Variants in SYCP1 observed in about 807,000 individuals in gnomAD.
The protein encoded by SYCP1 is synaptonemal complex protein 1, also known as cancer/testis antigen 8.
In SYCP1, 64 loss-of-function variants were observed where a neutral mutation model predicts 153.1. The observed-to-expected ratio is 0.42, with a 90% confidence interval of 0.34 to 0.51. The LOEUF (loss-of-function observed/expected upper bound fraction) is 0.51. Ranked by LOEUF, SYCP1 falls within the 20% of genes least tolerant of loss-of-function variation. The probability of loss-of-function intolerance (pLI) is 0.06; values close to 1 mark genes in which losing one functional copy is unlikely to be tolerated. For missense variants in SYCP1, 997 were observed against 1,049.0 expected, an observed-to-expected ratio of 0.95 and a Z score of 0.68; for synonymous variants, 384 against 341.8, an observed-to-expected ratio of 1.12 and a Z score of -1.36.
chr1:114,865,407 T>C (rs183542633), intron 8 of SYCP1, among the ~76,000 whole-genome samples: 1 of 152,350 alleles, frequency 6.6e-6, no homozygotes, highest in East Asian at 1.9e-4. Context: ...AGAGAATGTT[T>C]ATTTGTTTAT....
intron 25 of SYCP1, among the ~76,000 whole-genome samples, chr1:114,945,473 G>A (rs1266382093): frequency 6.6e-6 from 1 of 151,398 alleles, no homozygotes; most frequent in Non-Finnish European, 1.5e-5. Flanking sequence ...TTAAGATTTG[G>A]AGAAGAGGTA....
chr1:114,979,786 T>TA (rs1467734831), intron 28 of SYCP1, among the ~76,000 whole-genome samples: 1 of 151,854 alleles, frequency 6.6e-6, no homozygotes, highest in African/African-American at 2.4e-5. Flanking sequence ...CCTCTTGATT[T>TA]ATAGATGAAT....
chr1:114,941,900 G>T (rs11102854), intron 23 of SYCP1, among the ~76,000 whole-genome samples: 2,323 of 152,120 alleles, frequency 0.015, 53 homozygotes, highest in African/African-American at 0.053. Context: ...AAATATAAAT[G>T]AGTTTTGTGT....
chr1:114,989,341 A>G (rs977442698), intron 30 of SYCP1, among the ~76,000 whole-genome samples: 2 of 152,002 alleles, frequency 1.3e-5, no homozygotes, highest in Admixed American at 6.6e-5. Flanking sequence ...ATGAAATTAT[A>G]TAATATACAC....
chr1:114,916,040 C>A (rs1668487956), intron 20 of SYCP1, among the ~76,000 whole-genome samples: 1 of 152,132 alleles, frequency 6.6e-6, no homozygotes. Context: ...ATGAGAAGTG[C>A]CCGACTGAGG....
In SYCP1 at chr1:114,962,364, G is replaced by A. The variant is rs192621602; in HGVS notation, c.2322+15044G>A. On this transcript the variant is annotated intron_variant, in intron 27 of 31. Transcript: ENST00000369522. ...CCAGTGTTAGGTGCATATATTTTTA[G>A]GTCTGTGATATTTTCCTGTTAAACA... 3.4e-3 allele frequency among the ~76,000 whole-genome samples: 512 copies of A among 152,068 alleles called. 1 individual carries two copies. The highest frequency in any genetic ancestry group is 5.5e-3 in the Non-Finnish European group (377 of 67,938).
At chr1:114,993,097 A>G (rs528322981) in intron 30 of SYCP1, among the ~76,000 whole-genome samples, 1 of 151,686 alleles carries the variant, frequency 6.6e-6, no homozygotes, top group East Asian at 1.9e-4. Context: ...TTAACTTATT[A>G]ATCATTTTTA....
In SYCP1 at chr1:114,885,181, A is replaced by G. The variant is rs150848015; in HGVS notation, c.911-354A>G. Among the ~76,000 whole-genome samples the G allele has an allele frequency of 2.6e-3, 389 of 152,224 alleles. 3 individuals are homozygous for G. Among genetic ancestry groups the G allele is most frequent in the African/African-American group, 8.3e-3 (345 of 41,528 alleles). On this transcript the variant is annotated intron_variant, in intron 12 of 31. Coordinates refer to ENST00000369522, the MANE Select transcript of SYCP1 (RefSeq NM_003176.4). ...TATTCTATGTTTTATGAATATCCAAATTAATAATCAATAAAATTTGTATTA... is the reference window on the plus strand; with the variant it reads ...TATTCTATGTTTTATGAATATCCAAGTTAATAATCAATAAAATTTGTATTA...
intron 21 of SYCP1, among the ~76,000 whole-genome samples, chr1:114,924,900 G>A (rs1669155019): frequency 6.6e-6 from 1 of 152,046 alleles, no homozygotes; most frequent in Non-Finnish European, 1.5e-5. Flanking sequence ...ACTTTTGAGA[G>A]CTGTAAAACT....
intron 8 of SYCP1, among the ~76,000 whole-genome samples, chr1:114,871,260 C>T (rs360628): frequency 0.4 from 60,989 of 151,354 alleles, 13,161 homozygotes; most frequent in East Asian, 0.5. Flanking sequence ...CTCCACCTTC[C>T]GGGATCAAGT....
At chr1:114,903,466 T>C (rs1667607107) in intron 16 of SYCP1, among the ~76,000 whole-genome samples, 1 of 152,142 alleles carries the variant, frequency 6.6e-6, no homozygotes, top group African/African-American at 2.4e-5. Context: ...AAATACAGCA[T>C]ATCAGATAGA....
At chr1:114,872,657 T>C (rs1239075772) in intron 8 of SYCP1, among the ~76,000 whole-genome samples, 6 of 152,178 alleles carry the variant, frequency 3.9e-5, no homozygotes, top group Non-Finnish European at 7.3e-5. Flanking sequence ...GGTATTCCCA[T>C]TATACTTTTT....
chr1:114,923,276 A>G (rs1669020349), intron 20 of SYCP1, among the ~76,000 whole-genome samples, 173 bp from the exon 21 acceptor site: 1 of 152,166 alleles, frequency 6.6e-6, no homozygotes, highest in Non-Finnish European at 1.5e-5. Flanking sequence ...GCCTAGATGA[A>G]TTCCACATAT....
intron 27 of SYCP1, among the ~76,000 whole-genome samples, chr1:114,954,966 C>A (rs2101860424): frequency 6.6e-6 from 1 of 152,260 alleles, no homozygotes; most frequent in Admixed American, 6.5e-5. Flanking sequence ...AGCATACATG[C>A]TTGCAGTATT....
At chr1:114,977,301 A>G (rs1672858886) in intron 27 of SYCP1, among the ~76,000 whole-genome samples, 1 of 151,816 alleles carries the variant, frequency 6.6e-6, no homozygotes, top group African/African-American at 2.4e-5. Context: ...GCTGAGATTC[A>G]GAGTTTTAAG....
At position 114,876,114 on chromosome 1, in the gene SYCP1, TC is replaced by T; in HGVS notation, c.705del (p.Arg236AspfsTer8). ...FEELRVQAENSRLEMHFKLKE... is the reference protein window; with the variant it reads ...FEELRVQAENXRLEMHFKLKE... Reference sequence around the variant, plus strand: ...GGAACTTCGTGTGCAAGCTGAGAATTCCAGACTGGAAATGCATTTTAAGTGT... The same window carrying T: ...GGAACTTCGTGTGCAAGCTGAGAATTCAGACTGGAAATGCATTTTAAGTGT... On this transcript the variant is annotated frameshift_variant, in exon 10 of 32. Coordinates refer to ENST00000369522, the MANE Select transcript of SYCP1 (RefSeq NM_003176.4). LOFTEE classifies it high-confidence loss of function. The T allele has an allele frequency of 1.3e-6, 2 of 1,585,012 alleles. No individual in the cohort carries two copies. The highest frequency in any genetic ancestry group is 1.2e-5 in the South Asian group (1 of 85,442).
At chr1:114,990,440 A>G (rs770044274) in intron 30 of SYCP1, among the ~76,000 whole-genome samples, 2 of 151,952 alleles carry the variant, frequency 1.3e-5, no homozygotes, top group African/African-American at 4.8e-5. Flanking sequence ...TAGAAAAAAA[A>G]GAGCAAACTA....
At chr1:114,933,323 C>T (rs1434424951) in intron 23 of SYCP1, among the ~76,000 whole-genome samples, 1 of 152,226 alleles carries the variant, frequency 6.6e-6, no homozygotes, top group Non-Finnish European at 1.5e-5. Flanking sequence ...AACAGACCTG[C>T]AGCTGAGAGT....
chr1:114,879,466 T>C (rs989490139), intron 12 of SYCP1, among the ~76,000 whole-genome samples: 3 of 152,176 alleles, frequency 2.0e-5, no homozygotes, highest in African/African-American at 7.2e-5. Context: ...CTTCCTGTAC[T>C]CAAAATGAAT....
Sources: gnomAD v4.1 joint callset for allele counts (sites outside exome capture counted in the v4.1 genomes callset) on GRCh38, gnomAD v4.1.1 for gene constraint, MANE v1.5 for transcripts, NCBI Gene and HGNC (gene_info 2026-07-23, HGNC 2026-07-21) for gene names.